COL8A1: variants seen among roughly 807,000 people sequenced by gnomAD.
COL8A1 encodes the protein collagen type VIII alpha 1 chain, also known as collagen alpha-1(VIII) chain.
In COL8A1, 21 loss-of-function variants were observed where a neutral mutation model predicts 42.7. The observed-to-expected ratio is 0.49, with a 90% CI of 0.35 to 0.71. The LOEUF is 0.71. Among genes scored for constraint, COL8A1 ranks in the 30% least tolerant of loss-of-function variants. The probability of loss-of-function intolerance (pLI) is 0.01; values close to 1 mark genes in which losing one functional copy is unlikely to be tolerated. For missense variants in COL8A1, 788 were observed against 962.4 expected (o/e 0.82, Z 2.40); for synonymous variants, 367 against 369.1 (o/e 0.99, Z 0.06).
intron 1 of COL8A1, among the ~76,000 whole-genome samples, chr3:99,642,380 T>C (rs895214547): frequency 6.6e-5 from 10 of 152,134 alleles, no homozygotes; most frequent in Middle Eastern, 3.2e-3. Flanking sequence ...CATGAAGCCA[T>C]TGAAATTGCA....
chr3:99,674,531 C>T (rs550373582), intron 1 of COL8A1, among the ~76,000 whole-genome samples: 1 of 151,904 alleles, frequency 6.6e-6, no homozygotes, highest in Non-Finnish European at 1.5e-5. Flanking sequence ...CTTCCAGCCC[C>T]AGATCATGAC....
At chr3:99,701,599 C>T (rs1939541656) in intron 1 of COL8A1, among the ~76,000 whole-genome samples, 1 of 152,268 alleles carries the variant, frequency 6.6e-6, no homozygotes, top group African/African-American at 2.4e-5. Flanking sequence ...TGTTATCCTC[C>T]TAATTTTGTC....
intron 1 of COL8A1, among the ~76,000 whole-genome samples, chr3:99,659,934 A>G (rs1938147666): frequency 6.6e-6 from 1 of 152,254 alleles, no homozygotes; most frequent in South Asian, 2.1e-4. Flanking sequence ...GAAAAACAAT[A>G]CATATTGCTT....
chr3:99,695,157 G>T (rs780365566), intron 1 of COL8A1, among the ~76,000 whole-genome samples: 14 of 151,908 alleles, frequency 9.2e-5, no homozygotes, highest in Non-Finnish European at 1.9e-4. Flanking sequence ...AATGAAACAG[G>T]TTAATTTCAA....
At chr3:99,779,435 C>G (rs1426223886) in intron 2 of COL8A1, among the ~76,000 whole-genome samples, 1 of 152,136 alleles carries the variant, frequency 6.6e-6, no homozygotes, top group Non-Finnish European at 1.5e-5. Context: ...AAAAGATAGC[C>G]TAAATTCTGT....
chr3:99,754,507 A>G (rs1243560323), intron 2 of COL8A1, among the ~76,000 whole-genome samples: 4 of 152,208 alleles, frequency 2.6e-5, no homozygotes, highest in South Asian at 4.1e-4. Context: ...TCTATCGTCC[A>G]TAAGTGCTAG....
rs1176042144 is a variant in COL8A1, at chr3:99,750,049, C to CTTTTTTTTTTTTTTTTTT, written c.-4+5036_-4+5053dup. Reference sequence around the variant, plus strand: ...GCCAACTTCTTTTTCTTTTTTTCTTCTTTTTTTTTTTTTTTTTTTTTTTTT... The same window carrying CTTTTTTTTTTTTTTTTTT: ...GCCAACTTCTTTTTCTTTTTTTCTTCTTTTTTTTTTTTTTTTTTTTTTTTTTTTTTTTTTTTTTTTTTT... On this transcript the variant is annotated intron_variant, in intron 2 of 3. Coordinates refer to ENST00000652472, the MANE Select transcript of COL8A1 (RefSeq NM_020351.4). 3.2e-3 allele frequency among the ~76,000 whole-genome samples: 213 copies of CTTTTTTTTTTTTTTTTTT among 65,938 alleles called. 1 individual carries two copies. Among genetic ancestry groups the CTTTTTTTTTTTTTTTTTT allele is most frequent in the Non-Finnish European group, 3.9e-3 (147 of 38,022 alleles). The allele number at this position is 65,938 out of a possible 152,430, so 43.3% of individuals were successfully genotyped here.
chr3:99,652,142 C>T (rs993015295), intron 1 of COL8A1, among the ~76,000 whole-genome samples: 2 of 152,162 alleles, frequency 1.3e-5, no homozygotes, highest in African/African-American at 4.8e-5. Context: ...CATCTGCAGA[C>T]ATGAGCCAGT....
At chr3:99,643,374 G>A (rs1937549428) in intron 1 of COL8A1, among the ~76,000 whole-genome samples, 1 of 152,162 alleles carries the variant, frequency 6.6e-6, no homozygotes, top group African/African-American at 2.4e-5. Flanking sequence ...ACCATCACAG[G>A]GATGGTATGT....
At chr3:99,703,826 A>G (rs772939131) in intron 1 of COL8A1, among the ~76,000 whole-genome samples, 2 of 152,090 alleles carry the variant, frequency 1.3e-5, no homozygotes, top group South Asian at 2.1e-4. Flanking sequence ...AAGATTTTCA[A>G]CCCTCACTCC....
chr3:99,787,160 T>A (rs1941912658), intron 2 of COL8A1, among the ~76,000 whole-genome samples: 1 of 152,204 alleles, frequency 6.6e-6, no homozygotes, highest in Admixed American at 6.5e-5. Context: ...AACGTACAAA[T>A]AGAATGCTGA....
chr3:99,658,132 A>C (rs573505471), intron 1 of COL8A1, among the ~76,000 whole-genome samples: 17 of 151,040 alleles, frequency 1.1e-4, no homozygotes, highest in Middle Eastern at 3.4e-3. Context: ...CAAAAAACAA[A>C]AAAAAAAAAA....
At chr3:99,786,562 C>A (rs1941900627) in intron 2 of COL8A1, among the ~76,000 whole-genome samples, 1 of 152,152 alleles carries the variant, frequency 6.6e-6, no homozygotes, top group South Asian at 2.1e-4. Context: ...AACCACTCAA[C>A]CTATGGTATT....
chr3:99,774,672 T>C (rs964599589), intron 2 of COL8A1, among the ~76,000 whole-genome samples: 2 of 152,148 alleles, frequency 1.3e-5, no homozygotes, highest in Non-Finnish European at 2.9e-5. Flanking sequence ...GTTACTCATT[T>C]CACAGAGATT....
At chr3:99,667,712 T>A (rs566595361) in intron 1 of COL8A1, among the ~76,000 whole-genome samples, 1 of 152,280 alleles carries the variant, frequency 6.6e-6, no homozygotes, top group Non-Finnish European at 1.5e-5. Flanking sequence ...TTGTAATTAG[T>A]GTTTCAGTGG....
chr3:99,654,988 C>T (rs1454079453), intron 1 of COL8A1, among the ~76,000 whole-genome samples: 1 of 151,996 alleles, frequency 6.6e-6, no homozygotes, highest in African/African-American at 2.4e-5. Context: ...TATTGAGACC[C>T]ACCATGTGCC....
At chr3:99,669,189 A>G (rs952373414) in intron 1 of COL8A1, among the ~76,000 whole-genome samples, 1 of 147,946 alleles carries the variant, frequency 6.8e-6, no homozygotes, top group Non-Finnish European at 1.5e-5. Flanking sequence ...AGAGGGACAA[A>G]GGGATAATTG....
At position 99,795,792 on chromosome 3, in the gene COL8A1, G is replaced by A; in HGVS notation, c.1891G>A (p.Ala631Thr). Residue 631 changes from alanine to threonine, a missense_variant, in exon 4 of 4, where the codon GCC becomes ACC. Ala to Thr is a moderately conservative substitution (Grantham distance 58, BLOSUM62 0). Around this residue, in one of 4 missense-constraint regions of COL8A1, gnomAD observed 212 missense variants for 210.9 expected, o/e 1.00. Transcript: ENST00000652472. ...AACCGCACCTTTCCCACCGGTGGGG[G>A]CCCCAGTGAAGTTTAACAAACTGCT... is the stretch of plus-strand genomic sequence containing the variant. ...ELTAPFPPVG[A>T]PVKFNKLLYN... is the part of the protein sequence containing the mutation. 7 of 1,614,146 alleles carry A rather than the reference G, an allele frequency of 4.3e-6. No individual in the cohort carries two copies. Among genetic ancestry groups the A allele is most frequent in the Non-Finnish European group, 5.9e-6 (7 of 1,180,010 alleles).
chr3:99,665,893 G>T (rs1013369079), intron 1 of COL8A1, among the ~76,000 whole-genome samples: 1 of 148,878 alleles, frequency 6.7e-6, no homozygotes, highest in East Asian at 2.0e-4. Context: ...GTTTCGCCAT[G>T]TTGGCCAGGC....
Sources: allele counts gnomAD v4.1 joint callset (sites outside exome capture counted in the v4.1 genomes callset), GRCh38; gene constraint gnomAD v4.1.1; regional missense constraint gnomAD v4.1.1; transcripts MANE v1.5; gene names NCBI Gene and HGNC (gene_info 2026-07-23, HGNC 2026-07-21).